The following DOCK1 variants were observed in gnomAD, a reference collection of about 807,000 sequenced individuals.
DOCK1 encodes the protein dedicator of cytokinesis protein 1.
In DOCK1, 138 loss-of-function variants were observed where a neutral mutation model predicts 262.7. The observed-to-expected ratio is 0.53, with a 90% CI of 0.46 to 0.61. DOCK1 has a LOEUF of 0.61. Ranked by LOEUF, DOCK1 falls within the 20% of genes least tolerant of loss-of-function variation. The pLI is 0.00. For missense variants in DOCK1, 1,908 were observed against 2,370.7 expected (o/e 0.80, Z 4.05); for synonymous variants, 866 against 867.4 (o/e 1.00, Z 0.03).
intron 1 of DOCK1, among the ~76,000 whole-genome samples, chr10:126,920,245 C>T (rs900687280): frequency 1.3e-5 from 2 of 152,206 alleles, no homozygotes; most frequent in African/African-American, 2.4e-5. Flanking sequence ...AGAATTTCCC[C>T]CATTGACATT....
At chr10:127,360,521 A>T (rs992585845) in intron 32 of DOCK1, among the ~76,000 whole-genome samples, 1 of 152,260 alleles carries the variant, frequency 6.6e-6, no homozygotes, top group Admixed American at 6.5e-5. Flanking sequence ...AACCATTGAA[A>T]TTAAAAACAT....
intron 29 of DOCK1, among the ~76,000 whole-genome samples, chr10:127,323,990 C>T (rs2062649394): frequency 6.6e-6 from 1 of 152,228 alleles, no homozygotes; most frequent in Non-Finnish European, 1.5e-5. Flanking sequence ...GAGCAGGATG[C>T]TGCATACAGA....
chr10:127,147,690 C>T (rs903005979), intron 27 of DOCK1, among the ~76,000 whole-genome samples: 1 of 152,020 alleles, frequency 6.6e-6, no homozygotes, highest in Non-Finnish European at 1.5e-5. Context: ...CTTTAGGACC[C>T]CAAATGGAAA....
chr10:127,345,721 C>T (rs1328378519), intron 31 of DOCK1, among the ~76,000 whole-genome samples: 3 of 152,198 alleles, frequency 2.0e-5, no homozygotes, highest in African/African-American at 4.8e-5. Context: ...AGGTGTCTGT[C>T]GCTCGTCCTG....
intron 27 of DOCK1, among the ~76,000 whole-genome samples, chr10:127,168,892 C>T (rs2054315621): frequency 6.6e-6 from 1 of 152,186 alleles, no homozygotes; most frequent in African/African-American, 2.4e-5. Flanking sequence ...TATGCTTCCT[C>T]TGTAATTGTG....
At chr10:126,923,718 G>A (rs1293269048) in intron 1 of DOCK1, among the ~76,000 whole-genome samples, 3 of 152,220 alleles carry the variant, frequency 2.0e-5, no homozygotes, top group Non-Finnish European at 4.4e-5. Flanking sequence ...CTCCATGTGC[G>A]ATGGTCCGTA....
At chr10:127,160,530 T>A (rs1235488872) in intron 27 of DOCK1, among the ~76,000 whole-genome samples, 1 of 152,194 alleles carries the variant, frequency 6.6e-6, no homozygotes, top group Non-Finnish European at 1.5e-5. Flanking sequence ...TTTAAATGCC[T>A]TGTTAATTTT....
At chr10:127,228,411 G>T (rs956133420) in intron 27 of DOCK1, among the ~76,000 whole-genome samples, 2 of 152,188 alleles carry the variant, frequency 1.3e-5, no homozygotes, top group Non-Finnish European at 2.9e-5. Context: ...CCAGCAGAGA[G>T]CACTGAGCGG....
At chr10:127,335,020 C>T (rs563336727) in intron 29 of DOCK1, among the ~76,000 whole-genome samples, 1 of 152,310 alleles carries the variant, frequency 6.6e-6, no homozygotes, top group South Asian at 2.1e-4. Flanking sequence ...TGAGGCCTCT[C>T]ATTTGGGCCA....
chr10:127,371,661 T>C (rs921447412), intron 33 of DOCK1, among the ~76,000 whole-genome samples: 5 of 152,230 alleles, frequency 3.3e-5, no homozygotes, highest in African/African-American at 7.2e-5. Flanking sequence ...AATCATGTTT[T>C]GATTAAATTT....
At chr10:127,359,947 T>C (rs894320014) in intron 32 of DOCK1, among the ~76,000 whole-genome samples, 6 of 152,236 alleles carry the variant, frequency 3.9e-5, no homozygotes, top group African/African-American at 1.4e-4. Flanking sequence ...TTCAAACATT[T>C]AATTTCTCAG....
At chr10:127,003,496 A>G (rs2040755154) in intron 10 of DOCK1, among the ~76,000 whole-genome samples, 1 of 152,164 alleles carries the variant, frequency 6.6e-6, no homozygotes. Context: ...TTCTGGTGTC[A>G]CAGTTGCCTA....
chr10:127,332,353 T>C (rs2063022381), intron 29 of DOCK1, among the ~76,000 whole-genome samples: 1 of 152,226 alleles, frequency 6.6e-6, no homozygotes, highest in African/African-American at 2.4e-5. Context: ...TAAGCTTTTA[T>C]TGATTTGAAA....
rs377183198 is a variant in DOCK1 at position 127,127,637 on chromosome 10, G to A, written c.2752-32G>A. Reference sequence around the variant, plus strand: ...GGGCTTGCATGTTAATGTTTCTCTGGTGTTGGTGTTCATTGGTGTGTCCTT... The same window carrying A: ...GGGCTTGCATGTTAATGTTTCTCTGATGTTGGTGTTCATTGGTGTGTCCTT... On this transcript the variant is annotated intron_variant, in intron 26 of 51. Transcript: ENST00000623213. 24 of 1,546,218 alleles carry A rather than the reference G, an allele frequency of 1.6e-5. No homozygotes were observed. The African/African-American group carries it at 2.7e-4, about 17-fold the overall frequency.
At chr10:127,266,553 A>G (rs1455629633) in intron 29 of DOCK1, among the ~76,000 whole-genome samples, 1 of 151,982 alleles carries the variant, frequency 6.6e-6, no homozygotes, top group Non-Finnish European at 1.5e-5. Flanking sequence ...GCACTGAGAG[A>G]TGTTTCATGC....
chr10:127,065,830 G>GC (rs1381677291), intron 23 of DOCK1, among the ~76,000 whole-genome samples: 1 of 148,220 alleles, frequency 6.7e-6, no homozygotes, highest in Admixed American at 6.9e-5. Context: ...CTCCAGCCTG[G>GC]GCAACAAGAG....
chr10:127,031,507 A>G lies in DOCK1; in HGVS notation c.1625-143A>G, dbSNP rs991135347. 1.5e-4 allele frequency: 88 copies of G among 574,696 alleles called. 2 individuals carry two copies. In the South Asian group the frequency reaches 1.8e-3, roughly 12 times the overall value. The allele number at this position is 574,696 out of a possible 1,614,324, so 35.6% of individuals were successfully genotyped here. ...ACTTGTAAACGTGGTCCATTTTTCC[A>G]TATATTTATTAGATTAGCTTTAATA... On this transcript the variant is annotated intron_variant, in intron 16 of 51. Coordinates refer to ENST00000623213, the MANE Select transcript of DOCK1 (RefSeq NM_001290223.2).
chr10:127,103,499 TC>T (rs1224568696), intron 23 of DOCK1, among the ~76,000 whole-genome samples: 1 of 152,142 alleles, frequency 6.6e-6, no homozygotes, highest in Non-Finnish European at 1.5e-5. Context: ...CTGATTCCTT[TC>T]CTCTGTCGGG....
chr10:127,257,068 T>C (rs1468166284), intron 28 of DOCK1, among the ~76,000 whole-genome samples: 1 of 152,202 alleles, frequency 6.6e-6, no homozygotes, highest in Non-Finnish European at 1.5e-5. Flanking sequence ...TCCTAACCTT[T>C]GGGGATTTAC....
Sources: allele counts gnomAD v4.1 joint callset (sites outside exome capture counted in the v4.1 genomes callset), GRCh38; gene constraint gnomAD v4.1.1; transcripts MANE v1.5; gene names NCBI Gene and HGNC (gene_info 2026-07-23, HGNC 2026-07-21).